The following SLC39A14 variants were observed in gnomAD, a reference collection of about 807,000 sequenced individuals.
The protein encoded by SLC39A14 is metal cation symporter ZIP14.
In SLC39A14, 19 loss-of-function variants were observed where a neutral mutation model predicts 45.5. The ratio of observed to expected loss-of-function variants is 0.42; its 90% confidence interval spans 0.29 to 0.61. The LOEUF (loss-of-function observed/expected upper bound fraction) is 0.61. SLC39A14 is among the 20% of genes least tolerant of loss of function. SLC39A14 has a pLI of 0.22. For missense variants in SLC39A14, 447 were observed against 616.5 expected (o/e 0.73, Z 2.91); for synonymous variants, 264 against 251.3 (o/e 1.05, Z -0.48).
intron 3 of SLC39A14, 77 bp downstream of exon 3, chr8:22,408,573 G>A (rs1331230483): frequency 1.1e-5 from 15 of 1,373,096 alleles, no homozygotes; most frequent in South Asian, 5.6e-5. Context: ...CTGAGCTGCT[G>A]CTGCTCCTCA....
rs80097761 is a variant in SLC39A14 at position 22,421,267 on chromosome 8, C to T, written c.*1569C>T. 7.3e-4 allele frequency: 717 copies of T among 985,772 alleles called. 25 individuals carry two copies. The East Asian group carries it at 0.056, about 77-fold the overall frequency. 61.1% of individuals were successfully genotyped at this position (985,772 alleles called of 1,614,324 possible). On this transcript the variant is annotated 3_prime_UTR_variant, in exon 9 of 9. Transcript: ENST00000381237. ...TTTTCTCTTACATAGAAAAACTGTC[C>T]GCTCTCAGTAATCACAAGCAGCATC... is the stretch of plus-strand genomic sequence containing the variant.
At chr8:22,424,513 A>T (rs1316900836), downstream of SLC39A14, among the ~76,000 whole-genome samples, 3 of 152,150 alleles carry the variant, frequency 2.0e-5, no homozygotes, top group African/African-American at 7.2e-5. Flanking sequence ...GCCATTTGCT[A>T]TTCAAAATGA....
Position 22,422,276 on chromosome 8 carries a change from C to G in SLC39A14, c.*2578C>G. ...CAGTGAGGCAGGGACAGGGGTTCTG[C>G]TCCTTCTCACTTCACCACCGGCACA... On this transcript the variant is annotated 3_prime_UTR_variant, in exon 9 of 9. Coordinates refer to ENST00000381237, the MANE Select transcript of SLC39A14 (RefSeq NM_001128431.4). 1 of 985,580 alleles carries G rather than the reference C, an allele frequency of 1.0e-6. No homozygotes were observed. 61.1% of individuals were successfully genotyped at this position (985,580 alleles called of 1,614,324 possible). A position where few individuals can be genotyped will look rare whatever the true frequency, so the allele number is the denominator to read the frequency against.
intron 1 of SLC39A14, among the ~76,000 whole-genome samples, chr8:22,380,674 G>GT (rs34669235): frequency 0.35 from 51,447 of 147,554 alleles, 8,888 homozygotes; most frequent in East Asian, 0.54. Context: ...TTCCATTCCT[G>GT]TTTTTTTTTT....
At position 22,367,480 on chromosome 8, in the gene SLC39A14, T is replaced by A. The variant is rs1183304819; in HGVS notation, c.-16+72T>A. On this transcript the variant is annotated intron_variant, in intron 1 of 8. Transcript: ENST00000381237. The surrounding 1 kb of genome is among the most constrained non-coding windows in gnomAD (Gnocchi z 4.2). ...AGCCCCGCACCCCAGGCTGGGGCAGTGGGTGGGGGCGGGGACAGCCCTGCG... is the reference window on the plus strand; with the variant it reads ...AGCCCCGCACCCCAGGCTGGGGCAGAGGGTGGGGGCGGGGACAGCCCTGCG... 5.3e-5 allele frequency: 8 copies of A among 151,716 alleles called. No individual in the cohort carries two copies. The allele number at this position is 151,716 out of a possible 1,614,324, so 9.4% of individuals were successfully genotyped here. A position where few individuals can be genotyped will look rare whatever the true frequency, so the allele number is the denominator to read the frequency against.
intron 1 of SLC39A14, among the ~76,000 whole-genome samples, chr8:22,377,819 A>G (rs747757458): frequency 6.6e-5 from 10 of 152,020 alleles, no homozygotes; most frequent in Non-Finnish European, 1.5e-4. Context: ...GATTTTACAT[A>G]CTCTGTGATT....
At chr8:22,408,791 C>T (rs1041918547) in intron 3 of SLC39A14, among the ~76,000 whole-genome samples, 2 of 150,312 alleles carry the variant, frequency 1.3e-5, no homozygotes, top group Admixed American at 6.6e-5. Flanking sequence ...TGTTGAACCA[C>T]GGGGGCCCAA....
chr8:22,373,404 A>G (rs191485240), intron 1 of SLC39A14, among the ~76,000 whole-genome samples: 2 of 152,324 alleles, frequency 1.3e-5, no homozygotes, highest in East Asian at 3.9e-4. Flanking sequence ...AACAGGTTAT[A>G]ATAGGTGTAA....
chr8:22,371,036 G>A (rs1229995094), intron 1 of SLC39A14, among the ~76,000 whole-genome samples: 1 of 152,078 alleles, frequency 6.6e-6, no homozygotes, highest in South Asian at 2.1e-4. Context: ...CCCCACTACC[G>A]TGGGCATTAA....
intron 3 of SLC39A14, among the ~76,000 whole-genome samples, chr8:22,411,135 A>G (rs191969621): frequency 1.1e-3 from 175 of 152,278 alleles, no homozygotes; most frequent in Non-Finnish European, 2.0e-3. Flanking sequence ...GCAATGGAAT[A>G]TATTAATTTT....
chr8:22,400,639 G>A (rs576637606), intron 1 of SLC39A14, among the ~76,000 whole-genome samples: 4 of 152,290 alleles, frequency 2.6e-5, no homozygotes, highest in African/African-American at 9.6e-5. Flanking sequence ...GGCTGATGCC[G>A]AATCCATCCA....
intron 3 of SLC39A14, among the ~76,000 whole-genome samples, chr8:22,409,032 G>A (rs1318943725): frequency 2.0e-5 from 3 of 152,038 alleles, no homozygotes; most frequent in African/African-American, 7.2e-5. Context: ...TGTTACCCAG[G>A]CTGGTCTCAA....
intron 1 of SLC39A14, among the ~76,000 whole-genome samples, chr8:22,385,776 T>C (rs968619820): frequency 1.3e-4 from 20 of 151,970 alleles, no homozygotes; most frequent in Admixed American, 1.2e-3. Context: ...GTGGGGGGAT[T>C]GTTTGAGGCC....
At chr8:22,399,240 C>T (rs1408742761) in intron 1 of SLC39A14, among the ~76,000 whole-genome samples, 1 of 152,204 alleles carries the variant, frequency 6.6e-6, no homozygotes, top group Non-Finnish European at 1.5e-5. Context: ...GACCCCTGCC[C>T]GGCCTCCCCG....
chr8:22,429,120 A>C (rs1247885977), intron 8 of SLC39A14, among the ~76,000 whole-genome samples: 1 of 152,024 alleles, frequency 6.6e-6, no homozygotes, highest in Non-Finnish European at 1.5e-5. Flanking sequence ...AAAATACAAA[A>C]AATTGGCTGG....
At chr8:22,393,570 C>G (rs1357189645) in intron 1 of SLC39A14, among the ~76,000 whole-genome samples, 3 of 152,136 alleles carry the variant, frequency 2.0e-5, no homozygotes, top group Non-Finnish European at 4.4e-5. Flanking sequence ...ATGACTGTAT[C>G]GTTGTTAGTT....
intron 1 of SLC39A14, among the ~76,000 whole-genome samples, chr8:22,396,411 GA>G (rs1204981320): frequency 4.3e-3 from 18 of 4,138 alleles, no homozygotes; most frequent in East Asian, 0.077. Context: ...GAGAGAGAGA[GA>G]GGGGGGGGGG....
intron 1 of SLC39A14, among the ~76,000 whole-genome samples, chr8:22,401,704 T>G (rs554084768): frequency 6.6e-6 from 1 of 151,966 alleles, no homozygotes; most frequent in Non-Finnish European, 1.5e-5. Context: ...CCTGGCTAAT[T>G]TTTGTATTTT....
chr8:22,424,219 CTTAG>C (rs1163741060), downstream of SLC39A14, among the ~76,000 whole-genome samples: 1 of 152,140 alleles, frequency 6.6e-6, no homozygotes, highest in Non-Finnish European at 1.5e-5. Flanking sequence ...GTAACGTTTG[CTTAG>C]TTTGTTTAAG....
Sources: allele counts gnomAD v4.1 joint callset (sites outside exome capture counted in the v4.1 genomes callset), GRCh38; gene constraint gnomAD v4.1.1; non-coding constraint Gnocchi (gnomAD v3.1); transcripts MANE v1.5; gene names NCBI Gene and HGNC (gene_info 2026-07-23, HGNC 2026-07-21).